MAPRE2: variants seen among roughly 807,000 people sequenced by gnomAD.
MAPRE2 encodes microtubule-associated protein RP/EB family member 2.
In MAPRE2, 13 loss-of-function variants were observed where a neutral mutation model predicts 43.2. The ratio of observed to expected loss-of-function variants is 0.30; its 90% CI spans 0.20 to 0.48. The LOEUF (loss-of-function observed/expected upper bound fraction) is 0.48. Among genes scored for constraint, MAPRE2 ranks in the 20% least tolerant of loss-of-function variants. The pLI is 0.99. For missense variants in MAPRE2, 161 were observed against 400.2 expected, an observed-to-expected ratio of 0.40 and a Z score of 5.10; for synonymous variants, 135 against 148.8, an observed-to-expected ratio of 0.91 and a Z score of 0.68.
At chr18:35,051,583 C>G (rs1905937726) in intron 1 of MAPRE2, among the ~76,000 whole-genome samples, 1 of 152,180 alleles carries the variant, frequency 6.6e-6, no homozygotes, top group Non-Finnish European at 1.5e-5. Context: ...CTGGATTGTC[C>G]CCTACCTCCT....
intron 1 of MAPRE2, among the ~76,000 whole-genome samples, chr18:34,999,545 T>C (rs1360413801): frequency 6.6e-6 from 1 of 152,186 alleles, no homozygotes; most frequent in African/African-American, 2.4e-5. Context: ...ATTTTAGGTA[T>C]TTTCTGGGGA....
At position 35,002,613 on chromosome 18, in the gene MAPRE2, A is replaced by T. The variant is rs139778491; in HGVS notation, c.-69-2879A>T. On this transcript the variant is annotated intron_variant, in intron 1 of 7. Transcript: ENST00000413393. ...TTTTATTTTAGCCATTCTGATAGGT[A>T]TGTTGTGATGTCTCATGTAGTTTTA... Among the ~76,000 whole-genome samples, 138 of 152,278 alleles carry T rather than the reference A, an allele frequency of 9.1e-4. 1 individual carries two copies. Among genetic ancestry groups the T allele is most frequent in the African/African-American group, 3.2e-3 (134 of 41,566 alleles).
intron 2 of MAPRE2, chr18:35,082,203 T>C (rs1603398988): frequency 1.2e-5 from 1 of 82,810 alleles, no homozygotes. Context: ...GGCAGGAGAA[T>C]GGCGTGAACC....
At chr18:35,001,528 A>T (rs1434026419) in intron 1 of MAPRE2, among the ~76,000 whole-genome samples, 1 of 152,018 alleles carries the variant, frequency 6.6e-6, no homozygotes, top group Admixed American at 6.5e-5. Context: ...AAAAAAAAAA[A>T]AAGATACGTG....
intron 1 of MAPRE2, among the ~76,000 whole-genome samples, chr18:35,049,399 C>A (rs534195521): frequency 1.3e-4 from 20 of 152,298 alleles, no homozygotes; most frequent in Admixed American, 6.5e-4. Flanking sequence ...TTTTTAAAAT[C>A]CCCACTCTTG....
chr18:35,066,612 A>G (rs1906850377), intron 1 of MAPRE2, among the ~76,000 whole-genome samples: 1 of 152,258 alleles, frequency 6.6e-6, no homozygotes, highest in African/African-American at 2.4e-5. Context: ...TGGAAAGCAT[A>G]CCTGTAGAAA....
At chr18:35,116,622 G>A (rs1455897869) in intron 4 of MAPRE2, among the ~76,000 whole-genome samples, 1 of 152,202 alleles carries the variant, frequency 6.6e-6, no homozygotes, top group African/African-American at 2.4e-5. Context: ...GTTCCTAGAG[G>A]CCACTTGCAC....
intron 4 of MAPRE2, among the ~76,000 whole-genome samples, chr18:35,113,612 G>T (rs573994612): frequency 1.3e-5 from 2 of 152,342 alleles, no homozygotes; most frequent in South Asian, 4.1e-4. Context: ...TTAAAATGTG[G>T]AAGGAAGGCC....
intron 1 of MAPRE2, among the ~76,000 whole-genome samples, chr18:35,052,891 A>G (rs191170009): frequency 3.0e-4 from 45 of 152,298 alleles, no homozygotes; most frequent in African/African-American, 1.0e-3. Context: ...CCATTTAAAA[A>G]AATAGGTTAT....
At chr18:35,090,224 A>C (rs1908079271) in intron 2 of MAPRE2, among the ~76,000 whole-genome samples, 1 of 152,142 alleles carries the variant, frequency 6.6e-6, no homozygotes. Flanking sequence ...GTGGCAATGG[A>C]TGAACAATTC....
intron 2 of MAPRE2, among the ~76,000 whole-genome samples, chr18:35,092,764 A>C (rs999172558): frequency 2.6e-5 from 4 of 152,228 alleles, no homozygotes; most frequent in Non-Finnish European, 5.9e-5. Context: ...AAAGAACTAA[A>C]TAAAAAATGG....
At chr18:35,022,410 C>T (rs913179537) in intron 2 of MAPRE2, among the ~76,000 whole-genome samples, 11 of 147,128 alleles carry the variant, frequency 7.5e-5, no homozygotes, top group African/African-American at 2.0e-4. Flanking sequence ...CATAAGATAA[C>T]GGTATATGCT....
chr18:34,985,099 A>AATATATAAATATTATATACTATATT (rs2097018867), intron 1 of MAPRE2, among the ~76,000 whole-genome samples: 1 of 88,814 alleles, frequency 1.1e-5, no homozygotes, highest in Non-Finnish European at 1.9e-5. Context: ...TATATTATAT[A>AATATATAAATATTATATACTATATT]ATATATAAAT....
Position 35,125,340 on chromosome 18 carries a change from G to A in MAPRE2, c.611-1608G>A, listed in dbSNP as rs889185362. Among the ~76,000 whole-genome samples the A allele has an allele frequency of 8.5e-5, 13 of 152,286 alleles. 1 individual carries two copies. Among genetic ancestry groups the A allele is most frequent in the Admixed American group, 3.9e-4 (6 of 15,294 alleles). On this transcript the variant is annotated intron_variant, in intron 4 of 6. Transcript: ENST00000300249. ...CCCTTCGGCTCTTGCTAATCTCTTG[G>A]TACTAATAAACTGTGAAGTTGGAAA...
intron 2 of MAPRE2, among the ~76,000 whole-genome samples, chr18:35,083,520 G>C (rs774352433): frequency 2.0e-5 from 3 of 152,186 alleles, no homozygotes; most frequent in African/African-American, 7.2e-5. Context: ...CGCACTGCCA[G>C]TTTCAGTATC....
chr18:35,112,105 G>A (rs1450503738), intron 4 of MAPRE2, among the ~76,000 whole-genome samples: 2 of 151,804 alleles, frequency 1.3e-5, no homozygotes, highest in African/African-American at 2.4e-5. Flanking sequence ...CCCATAATTA[G>A]CAAGACTTCT....
At chr18:35,127,319 G>A (rs1289299111) in intron 5 of MAPRE2, 3 of 468,836 alleles carry the variant, frequency 6.4e-6, no homozygotes, top group African/African-American at 5.9e-5. Flanking sequence ...AGATGGCTCA[G>A]CCTTGCTGCA....
At position 34,979,970 on chromosome 18, in the gene MAPRE2, G is replaced by A. The variant is rs960168854; in HGVS notation, c.-70+2891G>A. 1.8e-4 allele frequency among the ~76,000 whole-genome samples: 26 copies of A among 147,512 alleles called. 1 individual carries two copies. Among genetic ancestry groups the A allele is most frequent in the African/African-American group, 5.8e-4 (23 of 39,554 alleles). ...TATCACTATCACTCTCTGCACTGTT[G>A]TCTAAATGCTTTCTTCCCCTTCCTC... is the stretch of plus-strand genomic sequence containing the variant. On this transcript the variant is annotated intron_variant, in intron 1 of 7. Transcript: ENST00000413393.
intron 1 of MAPRE2, among the ~76,000 whole-genome samples, chr18:34,984,129 T>G (rs2097017798): frequency 6.6e-6 from 1 of 152,220 alleles, no homozygotes. Context: ...AAAATTCATC[T>G]TAAATTATTT....
Sources: gnomAD v4.1 joint callset for allele counts (sites outside exome capture counted in the v4.1 genomes callset) on GRCh38, gnomAD v4.1.1 for gene constraint, MANE v1.5 for transcripts, NCBI Gene and HGNC (gene_info 2026-07-23, HGNC 2026-07-21) for gene names.